CADM2: variants seen among roughly 807,000 people sequenced by gnomAD.
CADM2 encodes immunoglobulin superfamily member 4D.
A neutral mutation model predicts 49.8 loss-of-function variants in CADM2; 12 were observed. That is an observed-to-expected ratio of 0.24 (90% CI 0.15 to 0.39). The LOEUF (loss-of-function observed/expected upper bound fraction) is 0.39, where lower values mean the gene tolerates loss of function less well. Among genes scored for constraint, CADM2 ranks in the 10% least tolerant of loss-of-function variants. CADM2 has a pLI of 1.00. For missense variants in CADM2, 378 were observed against 492.3 expected, an observed-to-expected ratio of 0.77 and a Z score of 2.20; for synonymous variants, 214 against 175.4, an observed-to-expected ratio of 1.22 and a Z score of -1.74.
At chr3:85,799,721 A>G (rs1438904982) in intron 2 of CADM2, among the ~76,000 whole-genome samples, 1 of 152,126 alleles carries the variant, frequency 6.6e-6, no homozygotes, top group Non-Finnish European at 1.5e-5. Flanking sequence ...GAGGCTGCAG[A>G]ACAGCAAAGA....
At chr3:85,354,881 A>T (rs896657265) in intron 1 of CADM2, among the ~76,000 whole-genome samples, 3 of 152,120 alleles carry the variant, frequency 2.0e-5, no homozygotes, top group Admixed American at 6.6e-5. Flanking sequence ...ATACATATTT[A>T]CTGTGCTATA....
intron 1 of CADM2, among the ~76,000 whole-genome samples, chr3:85,545,241 G>T (rs2061642373): frequency 6.6e-6 from 1 of 152,130 alleles, no homozygotes; most frequent in African/African-American, 2.4e-5. Context: ...TTAAACAAAT[G>T]CTTCTTAAGC....
chr3:85,021,714 G>T (rs545186938), intron 1 of CADM2, among the ~76,000 whole-genome samples: 2 of 152,290 alleles, frequency 1.3e-5, no homozygotes, highest in South Asian at 4.1e-4. Context: ...AGCGGAGGTT[G>T]CAGTGAGCCG....
At chr3:85,564,205 T>A (rs1300495922) in intron 1 of CADM2, among the ~76,000 whole-genome samples, 1 of 148,160 alleles carries the variant, frequency 6.7e-6, no homozygotes, top group Non-Finnish European at 1.5e-5. Flanking sequence ...CTCTCCATTT[T>A]AAAAATTGTG....
intron 2 of CADM2, among the ~76,000 whole-genome samples, chr3:85,763,921 T>G: frequency 6.6e-6 from 1 of 152,142 alleles, no homozygotes; most frequent in East Asian, 1.9e-4. Context: ...ACTTGCCTCC[T>G]TTTCTCTTCA....
At chr3:85,063,765 C>A (rs897112144) in intron 1 of CADM2, among the ~76,000 whole-genome samples, 9 of 151,944 alleles carry the variant, frequency 5.9e-5, no homozygotes, top group Non-Finnish European at 1.3e-4. Context: ...TAAATGAGAA[C>A]ATGAGTTCCA....
At chr3:85,835,051 A>G (rs1238853441) in intron 3 of CADM2, among the ~76,000 whole-genome samples, 1 of 151,590 alleles carries the variant, frequency 6.6e-6, no homozygotes, top group African/African-American at 2.4e-5. Context: ...CTCTTGATCC[A>G]CTGAAATGAT....
At chr3:85,903,660 G>C (rs1052128639) in intron 5 of CADM2, among the ~76,000 whole-genome samples, 2 of 152,062 alleles carry the variant, frequency 1.3e-5, no homozygotes, top group Non-Finnish European at 2.9e-5. Flanking sequence ...CATTCCTCAG[G>C]AAACGCAGGC....
chr3:85,020,758 G>A (rs2034464836), intron 1 of CADM2, among the ~76,000 whole-genome samples: 1 of 151,636 alleles, frequency 6.6e-6, no homozygotes, highest in African/African-American at 2.4e-5. Flanking sequence ...GTGTGTGTGT[G>A]TGTGTATGGT....
At chr3:85,229,708 G>A (rs2042242196) in intron 1 of CADM2, among the ~76,000 whole-genome samples, 1 of 152,158 alleles carries the variant, frequency 6.6e-6, no homozygotes, top group Non-Finnish European at 1.5e-5. Context: ...GTCTGAAGAT[G>A]GGCAGGTAAT....
intron 1 of CADM2, among the ~76,000 whole-genome samples, chr3:85,494,602 T>G (rs573095513): frequency 9.3e-4 from 141 of 152,264 alleles, no homozygotes; most frequent in African/African-American, 3.3e-3. Context: ...GGTAGGAAAC[T>G]GAAAACAATA....
chr3:84,970,044 CTTTTTTTT>C (rs33980527), intron 1 of CADM2, among the ~76,000 whole-genome samples: 1 of 103,564 alleles, frequency 9.7e-6, no homozygotes, highest in Non-Finnish European at 1.9e-5. Context: ...GACTGACCTG[CTTTTTTTT>C]TTTTTTTTTT....
At chr3:85,736,292 C>T (rs57799716) in intron 2 of CADM2, among the ~76,000 whole-genome samples, 5 of 152,086 alleles carry the variant, frequency 3.3e-5, no homozygotes, top group African/African-American at 7.2e-5. Flanking sequence ...AATTACTATA[C>T]GATATATAAA....
At chr3:85,662,063 T>G (rs942807593) in intron 1 of CADM2, among the ~76,000 whole-genome samples, 2 of 152,034 alleles carry the variant, frequency 1.3e-5, no homozygotes, top group African/African-American at 4.8e-5. Flanking sequence ...TACAAGAATA[T>G]GTATTCTATA....
chr3:85,550,516 T>G (rs1269137454), intron 1 of CADM2, among the ~76,000 whole-genome samples: 1 of 152,212 alleles, frequency 6.6e-6, no homozygotes, highest in Admixed American at 6.5e-5. Flanking sequence ...ACAATTCCTC[T>G]GGGTGAGTCT....
chr3:85,200,243 A>G (rs2041458178), intron 1 of CADM2, among the ~76,000 whole-genome samples: 2 of 152,060 alleles, frequency 1.3e-5, no homozygotes, highest in African/African-American at 4.8e-5. Flanking sequence ...ATGGGTATGA[A>G]AGGCACAATA....
At chr3:85,412,329 G>A (rs1190906386) in intron 1 of CADM2, among the ~76,000 whole-genome samples, 2 of 152,114 alleles carry the variant, frequency 1.3e-5, no homozygotes, top group African/African-American at 4.8e-5. Context: ...TATTTCTAAT[G>A]TGTTTTCTTA....
chr3:85,616,326 A>G (rs1310596074), intron 1 of CADM2, among the ~76,000 whole-genome samples: 1 of 152,112 alleles, frequency 6.6e-6, no homozygotes, highest in African/African-American at 2.4e-5. Flanking sequence ...AGTATAGCAT[A>G]AAATAGAATT....
intron 1 of CADM2, among the ~76,000 whole-genome samples, chr3:85,584,163 T>TA (rs1399052097): frequency 2.6e-5 from 4 of 152,068 alleles, no homozygotes; most frequent in African/African-American, 9.7e-5. Flanking sequence ...CATATAAACA[T>TA]ATAATATGTG....
Sources: gnomAD v4.1 joint callset for allele counts (sites outside exome capture counted in the v4.1 genomes callset) on GRCh38, gnomAD v4.1.1 for gene constraint, MANE v1.5 for transcripts, NCBI Gene and HGNC (gene_info 2026-07-23, HGNC 2026-07-21) for gene names.